The following EMILIN2 variants were observed in gnomAD, a reference collection of about 807,000 sequenced individuals.
EMILIN2 encodes elastin microfibril interfacer 2, also known as EMILIN-2.
A neutral mutation model predicts 87.1 loss-of-function variants in EMILIN2; 71 were observed. The observed-to-expected ratio is 0.82, with a 90% confidence interval of 0.67 to 0.99. EMILIN2 has a LOEUF of 0.99. Ranked by LOEUF, EMILIN2 falls within the 50% of genes least tolerant of loss-of-function variation. The pLI is 0.00. For missense variants in EMILIN2, 1,407 were observed against 1,371.8 expected (o/e 1.03, Z -0.40); for synonymous variants, 581 against 563.4 (o/e 1.03, Z -0.44).
rs1230781726 is a variant in EMILIN2, at chr18:2,910,407, G to T, written c.2824+588G>T. The stretch of plus-strand genomic sequence containing the variant: ...GCTGGAGGTCCCAAGGATCATGGGT[G>T]TGGAGTTTACCTCCGAGTTCCCTGT... On this transcript the variant is annotated intron_variant, in intron 7 of 7. Coordinates refer to ENST00000254528, the MANE Select transcript of EMILIN2 (RefSeq NM_032048.3). Among the ~76,000 whole-genome samples the T allele has an allele frequency of 2.6e-5, 4 of 152,216 alleles. No individual in the cohort carries two copies. The South Asian group carries it at 6.2e-4, about 24-fold the overall frequency.
rs2076829647 is a variant in EMILIN2, at chr18:2,890,601, G to C, written c.474G>C (p.Leu158Phe). 1 of 1,597,902 alleles carries C rather than the reference G, an allele frequency of 6.3e-7. No individual in the cohort carries two copies. The highest frequency in any genetic ancestry group is 8.6e-7 in the Non-Finnish European group (1 of 1,167,850). ...PSQFSEPRKT[L>F]SPTGTAQPSW... ...AATTCTCAGAGCCCAGGAAGACTTT[G>C]TCCCCAACTGGTACAGCACAACCAA... The change falls in exon 4 of 8, where the codon TTG (leucine) becomes TTC (phenylalanine). Residue 158 changes from leucine to phenylalanine, a missense_variant. Transcript: ENST00000254528. This position sits in a 1 kb window ranked among gnomAD's most constrained non-coding sequence, Gnocchi z 4.7.
chr18:2,909,285 G>A (rs2076929593), intron 6 of EMILIN2, among the ~76,000 whole-genome samples: 1 of 152,240 alleles, frequency 6.6e-6, no homozygotes, highest in Admixed American at 6.5e-5. Context: ...GTCCTGATGA[G>A]CTTCCTGGGG....
In EMILIN2 at chr18:2,896,659, A is replaced by ATTTT. The variant is rs1396718244; in HGVS notation, c.2359+4176_2359+4177insTTTT. Among the ~76,000 whole-genome samples the ATTTT allele has an allele frequency of 2.0e-5, 3 of 151,638 alleles. No individual in the cohort carries two copies. The East Asian group carries it at 5.8e-4, about 30-fold the overall frequency. On this transcript the variant is annotated intron_variant, in intron 4 of 7. Coordinates refer to ENST00000254528, the MANE Select transcript of EMILIN2 (RefSeq NM_032048.3). ...CCAGCTAATTTTTTGTTATTTATTTATTTATTTTTTTAGAGATGGGTTTCA... is the reference window on the plus strand; with the variant it reads ...CCAGCTAATTTTTTGTTATTTATTTATTTTTTTATTTTTTTAGAGATGGGTTTCA...
chr18:2,909,041 C>T, intron 6 of EMILIN2, 66 bp downstream of exon 6: 1 of 1,565,632 alleles, frequency 6.4e-7, no homozygotes, highest in South Asian at 1.1e-5. Context: ...CCCTCCTCTG[C>T]ATCTCCTGCC....
intron 2 of EMILIN2, among the ~76,000 whole-genome samples, chr18:2,879,751 C>A (rs2144015191): frequency 6.6e-6 from 1 of 151,350 alleles, no homozygotes; most frequent in South Asian, 2.1e-4. Context: ...GTCGCCCAGG[C>A]TGGAGTGCAA....
chr18:2,858,569 A>T (rs78884817), intron 2 of EMILIN2, among the ~76,000 whole-genome samples: 2 of 55,376 alleles, frequency 3.6e-5, no homozygotes, highest in Non-Finnish European at 6.0e-5. Flanking sequence ...ATATATATAT[A>T]TGTGTGTGTG....
At position 2,848,608 on chromosome 18, in the gene EMILIN2, AC is replaced by A. The variant is rs2076588481; in HGVS notation, c.257+678del. Among the ~76,000 whole-genome samples, 2 of 151,568 alleles carry A rather than the reference AC, an allele frequency of 1.3e-5. No individual in the cohort carries two copies. ...TTCCCCATCTTAAAAAAAAAAAAAA[AC>A]AGGAAGCAATGCAATAAAGTACAAA... On this transcript the variant is annotated intron_variant, in intron 2 of 7. Coordinates refer to ENST00000254528, the MANE Select transcript of EMILIN2 (RefSeq NM_032048.3). This position sits in a 1 kb window ranked among gnomAD's most constrained non-coding sequence, Gnocchi z 4.1.
chr18:2,883,297 G>T (rs1031078540), intron 2 of EMILIN2, among the ~76,000 whole-genome samples: 1 of 152,120 alleles, frequency 6.6e-6, no homozygotes, highest in Non-Finnish European at 1.5e-5. Flanking sequence ...CTGCCACAGG[G>T]CTGGTGCTTG....
intron 2 of EMILIN2, among the ~76,000 whole-genome samples, chr18:2,855,934 C>T (rs1161815382): frequency 1.3e-5 from 2 of 152,264 alleles, no homozygotes; most frequent in African/African-American, 4.8e-5. Context: ...AATGTTATTG[C>T]CTCACAGGTG....
rs376887473 is a variant in EMILIN2, at chr18:2,891,061, G to A, written c.934G>A (p.Glu312Lys). 3.0e-5 allele frequency: 48 copies of A among 1,614,172 alleles called. No homozygotes were observed. Among genetic ancestry groups the A allele is most frequent in the African/African-American group, 2.1e-4 (16 of 75,050 alleles). Residue 312 changes from glutamate (E) to lysine (K), a missense_variant, in exon 4 of 8, where the codon GAA becomes AAA. Transcript: ENST00000254528. This position sits in a 1 kb window ranked among gnomAD's most constrained non-coding sequence, Gnocchi z 4.6. ...CCCGACGGTGACCATGACAACCAAC[G>A]AACTCTACCAAGCCTATGTGGACAG... ...QGPTVTMTTNELYQAYVDSKI... is the reference protein window; with the variant it reads ...QGPTVTMTTNKLYQAYVDSKI...
chr18:2,875,192 C>G (rs143960350), intron 2 of EMILIN2, among the ~76,000 whole-genome samples: 11 of 152,244 alleles, frequency 7.2e-5, no homozygotes, highest in African/African-American at 2.6e-4. Flanking sequence ...TGTAGGAGAA[C>G]TTGGGCCATT....
chr18:2,847,767 G>C lies in EMILIN2; in HGVS notation c.135-42G>C, dbSNP rs559141789. Reference sequence around the variant, plus strand: ...TCTCCCCTGGCCTCATTGTTCTCCGGGTTTACCCCGTGCCCCTCTCCCTCT... The same window carrying C: ...TCTCCCCTGGCCTCATTGTTCTCCGCGTTTACCCCGTGCCCCTCTCCCTCT... On this transcript the variant is annotated intron_variant, in intron 1 of 7. Coordinates refer to ENST00000254528, the MANE Select transcript of EMILIN2 (RefSeq NM_032048.3). The surrounding 1 kb of genome is among the most constrained non-coding windows in gnomAD (Gnocchi z 4.5). 21 of 1,605,450 alleles carry C rather than the reference G, an allele frequency of 1.3e-5. 1 individual carries two copies. The African/African-American group carries it at 1.7e-4, about 13-fold the overall frequency.
intron 2 of EMILIN2, among the ~76,000 whole-genome samples, chr18:2,856,274 G>A (rs570016266): frequency 2.0e-5 from 3 of 152,162 alleles, no homozygotes; most frequent in African/African-American, 7.2e-5. Context: ...TGCACTGGAA[G>A]CCGAGCCAGC....
chr18:2,858,042 C>T (rs1568453619), intron 2 of EMILIN2, among the ~76,000 whole-genome samples: 1 of 151,956 alleles, frequency 6.6e-6, no homozygotes, highest in South Asian at 2.1e-4. Context: ...GCAGAAATGC[C>T]GCTGTATCTC....
At chr18:2,846,378 G>A (rs2076573253), upstream of EMILIN2, among the ~76,000 whole-genome samples, 1 of 152,246 alleles carries the variant, frequency 6.6e-6, no homozygotes, top group Non-Finnish European at 1.5e-5. This position sits in a 1 kb window ranked among gnomAD's most constrained non-coding sequence, Gnocchi z 5.3. Context: ...GAGAATTGCA[G>A]TAAGTGATAG....
intron 4 of EMILIN2, among the ~76,000 whole-genome samples, chr18:2,896,268 C>T (rs953855279): frequency 2.0e-5 from 3 of 151,964 alleles, no homozygotes; most frequent in East Asian, 1.9e-4. Context: ...CTCCGCCTCC[C>T]GGGTTCAAGC....
Position 2,909,753 on chromosome 18 carries a change from G to A in EMILIN2, c.2758G>A (p.Asp920Asn). The change falls in exon 7 of 8, where the codon GAT becomes AAT. Residue 920 changes from aspartate to asparagine, a missense_variant. Coordinates refer to ENST00000254528, the MANE Select transcript of EMILIN2 (RefSeq NM_032048.3). ...GCTCACCCAGAAGCCTTTCCCCAGT[G>A]ATGGGGGCGTTGTCCTCTTTAACAA... The part of the protein sequence containing the change: ...AGLTQKPFPS[D>N]GGVVLFNKVL... The A allele has an allele frequency of 6.2e-7, 1 of 1,613,562 alleles. No individual in the cohort carries two copies. Among genetic ancestry groups the A allele is most frequent in the Non-Finnish European group, 8.5e-7 (1 of 1,179,810 alleles).
At chr18:2,897,985 G>GA (rs1267097108) in intron 4 of EMILIN2, among the ~76,000 whole-genome samples, 2 of 152,150 alleles carry the variant, frequency 1.3e-5, no homozygotes, top group Admixed American at 1.3e-4. Context: ...GTTATAAATG[G>GA]AAAGGAGGCT....
chr18:2,911,569 T>C (rs78275400), intron 7 of EMILIN2, among the ~76,000 whole-genome samples: 5,374 of 152,294 alleles, frequency 0.035, 122 homozygotes, highest in Non-Finnish European at 0.054. Flanking sequence ...AGTTAACAAC[T>C]GCAGGACCAT....
Sources: allele counts gnomAD v4.1 joint callset (sites outside exome capture counted in the v4.1 genomes callset), GRCh38; gene constraint gnomAD v4.1.1; non-coding constraint Gnocchi (gnomAD v3.1); transcripts MANE v1.5; gene names NCBI Gene and HGNC (gene_info 2026-07-23, HGNC 2026-07-21).